The following FBXO24 variants were observed in gnomAD, a reference collection of about 807,000 sequenced individuals.
FBXO24 encodes the protein F-box protein 24, also known as F-box only protein 24.
A neutral mutation model predicts 63.5 loss-of-function variants in FBXO24; 30 were observed. The observed-to-expected ratio is 0.47, with a 90% CI of 0.35 to 0.64. The LOEUF (loss-of-function observed/expected upper bound fraction) is 0.64, where lower values mean the gene tolerates loss of function less well. Among genes scored for constraint, FBXO24 ranks in the 30% least tolerant of loss-of-function variants. The probability of loss-of-function intolerance (pLI) is 0.00; values close to 1 mark genes in which losing one functional copy is unlikely to be tolerated. For missense variants in FBXO24, 624 were observed against 763.4 expected (o/e 0.82, Z 2.15); for synonymous variants, 300 against 305.0 (o/e 0.98, Z 0.17).
chr7:100,589,814 G>GAGATC, intron 1 of FBXO24, 163 bp from the exon 2 acceptor site: 1 of 1,514,434 alleles, frequency 6.6e-7, no homozygotes, highest in Non-Finnish European at 8.9e-7. Context: ...TTGGCCGCAG[G>GAGATC]AGATCGGGAG....
At position 100,586,489 on chromosome 7, in the gene FBXO24, G is replaced by A; in HGVS notation, c.-137G>A. ...AACGGGCCGAGGGACCGCAAGCAGG[G>A]GGTGCCTAGTCCTCGTCCCCCAAAG... is the stretch of plus-strand genomic sequence containing the variant. On this transcript the variant is annotated 5_prime_UTR_variant, in exon 1 of 10. Coordinates refer to ENST00000241071, the MANE Select transcript of FBXO24 (RefSeq NM_033506.3). 2 of 878,958 alleles carry A rather than the reference G, an allele frequency of 2.3e-6. No individual in the cohort carries two copies. The highest frequency in any genetic ancestry group is 1.8e-6 in the Non-Finnish European group (1 of 541,564). The allele number at this position is 878,958 out of a possible 1,614,324, so 54.4% of individuals were successfully genotyped here.
chr7:100,591,509 A>G (rs1450379668), intron 3 of FBXO24, among the ~76,000 whole-genome samples, 158 bp from the exon 4 acceptor site: 1 of 152,024 alleles, frequency 6.6e-6, no homozygotes, highest in Non-Finnish European at 1.5e-5. Flanking sequence ...ATCTAAGCTT[A>G]TTTTCCACAT....
chr7:100,599,354 A>C (rs1802470872), intron 8 of FBXO24, among the ~76,000 whole-genome samples: 1 of 152,090 alleles, frequency 6.6e-6, no homozygotes, highest in African/African-American at 2.4e-5. Context: ...CAGGCAGATC[A>C]CCTGAGGTCA....
At position 100,592,771 on chromosome 7, in the gene FBXO24, C is replaced by G. The variant is rs754957715; in HGVS notation, c.559-12C>G. ...AACTCTAGATCCCAGACGCCCTCAT[C>G]TTTTCCCCCAGTTTGCCTCGGACCC... On this transcript the variant is annotated splice_polypyrimidine_tract_variant and intron_variant, in intron 4 of 9. Coordinates refer to ENST00000241071, the MANE Select transcript of FBXO24 (RefSeq NM_033506.3). The G allele has an allele frequency of 1.4e-5, 23 of 1,610,994 alleles. 1 individual carries two copies. The Admixed American group carries it at 3.8e-4, about 27-fold the overall frequency.
intron 1 of FBXO24, 128 bp downstream of exon 1, chr7:100,586,792 T>A: frequency 9.6e-7 from 1 of 1,037,670 alleles, no homozygotes; most frequent in Non-Finnish European, 1.5e-6. Context: ...CGTCCAGGGC[T>A]TGAGGGGATT....
At position 100,586,808 on chromosome 7, in the gene FBXO24, G is replaced by C. The variant is rs1024598844; in HGVS notation, c.39+144G>C. On this transcript the variant is annotated intron_variant, in intron 1 of 9. Coordinates refer to ENST00000241071, the MANE Select transcript of FBXO24 (RefSeq NM_033506.3). ...GTCCAGGGCTTGAGGGGATTCGGGC[G>C]ACTGCTTGAGGCCAGTGCACTGGCG... 9 of 840,108 alleles carry C rather than the reference G, an allele frequency of 1.1e-5. No homozygotes were observed. The African/African-American group carries it at 1.5e-4, about 14-fold the overall frequency. The allele number at this position is 840,108 out of a possible 1,614,324, so 52.0% of individuals were successfully genotyped here.
chr7:100,589,537 CCAAA>C, intron 1 of FBXO24: 2 of 1,400,686 alleles, frequency 1.4e-6, no homozygotes, highest in Non-Finnish European at 1.9e-6. Context: ...GTCACAGTGG[CCAAA>C]CAGTGAGGTC....
intron 3 of FBXO24, 27 bp downstream of exon 3, chr7:100,590,384 C>G: frequency 1.3e-6 from 2 of 1,583,214 alleles, no homozygotes; most frequent in Non-Finnish European, 1.7e-6. Context: ...ACCTCCCGTT[C>G]TCCTTGCCTC....
At chr7:100,592,130 G>A (rs1027472819) in intron 4 of FBXO24, 3 of 456,834 alleles carry the variant, frequency 6.6e-6, no homozygotes, top group Non-Finnish European at 1.2e-5. Flanking sequence ...GTGGTGGTGG[G>A]TGCCTATAAT....
At position 100,593,626 on chromosome 7, in the gene FBXO24, C is replaced by CAA. The variant is rs769155612; in HGVS notation, c.793+629_793+630dup. Among the ~76,000 whole-genome samples the CAA allele has an allele frequency of 2.0e-3, 116 of 58,944 alleles. 1 individual carries two copies. Among genetic ancestry groups the CAA allele is most frequent in the African/African-American group, 6.1e-3 (98 of 16,010 alleles). 38.7% of individuals were successfully genotyped at this position (58,944 alleles called of 152,430 possible). A position where few individuals can be genotyped will look rare whatever the true frequency, so the allele number is the denominator to read the frequency against. On this transcript the variant is annotated intron_variant, in intron 5 of 9. Coordinates refer to ENST00000241071, the MANE Select transcript of FBXO24 (RefSeq NM_033506.3). ...CTGGTGACAGAGCGAGACTCCGTCT[C>CAA]AAAAAAAAAAAAAAAAAAAAATTAG...
Position 100,586,509 on chromosome 7 carries a change from C to A in FBXO24, c.-117C>A, listed in dbSNP as rs1048874367. 8.8e-7 allele frequency: 1 copy of A among 1,132,848 alleles called. No individual in the cohort carries two copies. 70.2% of individuals were successfully genotyped at this position (1,132,848 alleles called of 1,614,324 possible). ...GCAGGGGGTGCCTAGTCCTCGTCCC[C>A]CAAAGACCAATCGTAAGCCAGATAC... On this transcript the variant is annotated 5_prime_UTR_variant, in exon 1 of 10. Coordinates refer to ENST00000241071, the MANE Select transcript of FBXO24 (RefSeq NM_033506.3).
At chr7:100,590,436 ACCCCCACAC>A in intron 3 of FBXO24, 79 bp downstream of exon 3, 1 of 1,429,750 alleles carries the variant, frequency 7.0e-7, no homozygotes, top group Non-Finnish European at 9.5e-7. Flanking sequence ...TCCCCTGATG[ACCCCCACAC>A]TCCCAACAGT....
In FBXO24 at chr7:100,591,910, G is replaced by T; in HGVS notation, c.558+8G>T. 1 of 1,613,678 alleles carries T rather than the reference G, an allele frequency of 6.2e-7. No homozygotes were observed. The highest frequency in any genetic ancestry group is 8.5e-7 in the Non-Finnish European group (1 of 1,179,556). On this transcript the variant is annotated splice_region_variant and intron_variant, in intron 4 of 9. Coordinates refer to ENST00000241071, the MANE Select transcript of FBXO24 (RefSeq NM_033506.3). The stretch of plus-strand genomic sequence containing the variant: ...TGTCGTGGAGCCAAGGATGTGAGTA[G>T]CAGAACCCTGGCAGCTGAGAGCCCA...
At chr7:100,592,450 G>C (rs1648182225) in intron 4 of FBXO24, among the ~76,000 whole-genome samples, 1 of 152,134 alleles carries the variant, frequency 6.6e-6, no homozygotes, top group African/African-American at 2.4e-5. Context: ...AAATCCGTCA[G>C]ACCTCGTGAG....
Position 100,591,839 on chromosome 7 carries a change from CCTCGGCCAGATGCAGTGGAAG to C in FBXO24, c.497_517del (p.Leu166_Lys172del). ...TCCTCAAAAATGCCCTGGTCTCCAC[CCTCGGCCAGATGCAGTGGAAG>C]CGGGCCTGTCGCTATGTTGTGTTGT... is the stretch of plus-strand genomic sequence containing the variant. On this transcript the variant is annotated inframe_deletion, in exon 4 of 10. Transcript: ENST00000241071. 6.2e-7 allele frequency: 1 copy of C among 1,614,240 alleles called. No individual in the cohort carries two copies. Among genetic ancestry groups the C allele is most frequent in the Non-Finnish European group, 8.5e-7 (1 of 1,180,052 alleles).
intron 8 of FBXO24, among the ~76,000 whole-genome samples, chr7:100,598,352 C>T (rs1342317865): frequency 6.6e-6 from 1 of 152,088 alleles, no homozygotes; most frequent in Non-Finnish European, 1.5e-5. Flanking sequence ...TCTAGAATGA[C>T]CATAAATTAC....
Position 100,595,154 on chromosome 7 carries a change from C to T in FBXO24, c.1005C>T (p.Leu335=). 2 of 1,614,112 alleles carry T rather than the reference C, an allele frequency of 1.2e-6. No individual in the cohort carries two copies. Among genetic ancestry groups the T allele is most frequent in the Non-Finnish European group, 1.7e-6 (2 of 1,180,008 alleles). The change falls in exon 7 of 10, where the codon CTC becomes CTT. Residue 335 remains leucine, a synonymous_variant. Transcript: ENST00000241071. ...EVHTPGVYRD[L]FGTLQAFDPL... ...ATACCCCAGGGGTGTATCGCGATCT[C>T]TTTGGGACCCTTCAAGCCTTTGACC...
At position 100,600,402 on chromosome 7, in the gene FBXO24, A is replaced by AC; in HGVS notation, c.1378-128dup. 1 of 1,480,396 alleles carries AC rather than the reference A, an allele frequency of 6.8e-7. No homozygotes were observed. Among genetic ancestry groups the AC allele is most frequent in the Non-Finnish European group, 9.1e-7 (1 of 1,103,996 alleles). 91.7% of individuals were successfully genotyped at this position (1,480,396 alleles called of 1,614,324 possible). On this transcript the variant is annotated intron_variant, in intron 9 of 9. Transcript: ENST00000241071. The surrounding 1 kb of genome is among the most constrained non-coding windows in gnomAD (Gnocchi z 6.3). ...GTGCTGGCCTTGCCCAACCTCACAC[A>AC]CCCCTGGGACTTAGCCGGCTCAGGG...
At chr7:100,597,292 A>G (rs1802358018) in intron 8 of FBXO24, among the ~76,000 whole-genome samples, 1 of 152,214 alleles carries the variant, frequency 6.6e-6, no homozygotes. Context: ...TGGTGTGACA[A>G]TGTAAGATAC....
Sources: gnomAD v4.1 joint callset for allele counts (sites outside exome capture counted in the v4.1 genomes callset) on GRCh38, gnomAD v4.1.1 for gene constraint, Gnocchi (gnomAD v3.1) non-coding constraint, MANE v1.5 for transcripts, NCBI Gene and HGNC (gene_info 2026-07-23, HGNC 2026-07-21) for gene names.